Variants in TAMM41 observed in about 807,000 individuals in gnomAD.
TAMM41 encodes the protein TAM41 mitochondrial translocator assembly and maintenance homolog.
Under a neutral mutation model 44.1 loss-of-function variants are expected in TAMM41, and 36 were observed. The observed-to-expected ratio is 0.82, with a 90% CI of 0.63 to 1.08. The LOEUF is 1.08. TAMM41 is among the 50% of genes least tolerant of loss of function. The pLI, the probability that TAMM41 is intolerant of heterozygous loss-of-function variation, is 0.00. For missense variants in TAMM41, 417 were observed against 404.3 expected (o/e 1.03, Z -0.27); for synonymous variants, 164 against 153.1 (o/e 1.07, Z -0.53).
In TAMM41 at chr3:11,829,903, G is replaced by A. The variant is rs373214804; in HGVS notation, c.412-39C>T. 14 of 1,599,768 alleles carry A rather than the reference G, an allele frequency of 8.8e-6. 1 individual carries two copies. The African/African-American group carries it at 1.7e-4, about 20-fold the overall frequency. On this transcript the variant is annotated intron_variant, in intron 3 of 7. Transcript: ENST00000455809. ...AACATTGGGAAGAAAAATTCCAGAA[G>A]TGGAGTATTGCTCAAGCATGGGTTA...
the TAMM41 span, among the ~76,000 whole-genome samples, chr3:11,760,947 A>G: frequency 6.7e-6 from 1 of 150,028 alleles, no homozygotes; most frequent in Non-Finnish European, 1.5e-5. Context: ...TGGGCAGATC[A>G]TGAGGTCAGG....
At chr3:11,828,910 C>A (rs558353435) in intron 4 of TAMM41, among the ~76,000 whole-genome samples, 1 of 152,024 alleles carries the variant, frequency 6.6e-6, no homozygotes, top group Admixed American at 6.6e-5. Context: ...ACTCAAAAAT[C>A]GGGAAAGATG....
intron 1 of TAMM41, among the ~76,000 whole-genome samples, chr3:11,845,453 G>C (rs2079640547): frequency 1.3e-5 from 2 of 152,184 alleles, no homozygotes; most frequent in African/African-American, 4.8e-5. Flanking sequence ...CCATCAGGAG[G>C]CTAACGCCTG....
chr3:11,833,459 G>A (rs1457394606), intron 3 of TAMM41, among the ~76,000 whole-genome samples: 1 of 151,978 alleles, frequency 6.6e-6, no homozygotes, highest in African/African-American at 2.4e-5. Context: ...ATACTCAACC[G>A]CCCACCAGAA....
chr3:11,775,346 C>G, the TAMM41 span, among the ~76,000 whole-genome samples: 2 of 152,168 alleles, frequency 1.3e-5, no homozygotes, highest in Admixed American at 1.3e-4. Context: ...CCCCCTCTTC[C>G]TGTCACATTC....
chr3:11,735,462 C>T, the TAMM41 span, among the ~76,000 whole-genome samples: 222 of 151,792 alleles, frequency 1.5e-3, no homozygotes, highest in Middle Eastern at 0.027. Context: ...GACGAAACCC[C>T]ATCCCTACAA....
the TAMM41 span, among the ~76,000 whole-genome samples, chr3:11,739,938 G>C: frequency 6.6e-6 from 1 of 152,154 alleles, no homozygotes; most frequent in African/African-American, 2.4e-5. Flanking sequence ...GCCTGACTCA[G>C]AGCAGATGCT....
At chr3:11,741,942 G>A in the TAMM41 span, among the ~76,000 whole-genome samples, 5 of 149,970 alleles carry the variant, frequency 3.3e-5, 1 homozygote, top group African/African-American at 1.0e-4. Flanking sequence ...CTGGACAAAG[G>A]GATTATTCAC....
In TAMM41 at chr3:11,846,628, C is replaced by T. The variant is rs73813064; in HGVS notation, c.9G>A (p.Leu3=). The stretch of plus-strand genomic sequence containing the variant: ...TCACCCACGAGCTCTGCAGCGTCTG[C>T]AGCGCCATGGGGTCGAGGCTAACAG... MA[L]QTLQSSWVTF... Residue 3 remains leucine, a synonymous_variant, in exon 1 of 8, where the codon CTG becomes CTA. Coordinates refer to ENST00000455809, the MANE Select transcript of TAMM41 (RefSeq NM_001284401.2). 1.4e-3 allele frequency: 2,184 copies of T among 1,614,218 alleles called. 20 individuals carry two copies. The African/African-American group carries it at 0.023, about 17-fold the overall frequency.
intron 3 of TAMM41, among the ~76,000 whole-genome samples, chr3:11,831,441 T>A (rs2078978750): frequency 6.6e-6 from 1 of 152,232 alleles, no homozygotes; most frequent in Admixed American, 6.5e-5. Flanking sequence ...ATTGACTTTC[T>A]ATACAAAGTA....
At chr3:11,815,348 CA>C (rs1172269845) in intron 5 of TAMM41, among the ~76,000 whole-genome samples, 2 of 152,060 alleles carry the variant, frequency 1.3e-5, no homozygotes, top group African/African-American at 4.8e-5. Context: ...AGGAACAGGG[CA>C]GGGGGCTCCA....
intron 4 of TAMM41, among the ~76,000 whole-genome samples, chr3:11,829,339 C>T (rs1575688356): frequency 6.6e-6 from 1 of 152,192 alleles, no homozygotes; most frequent in East Asian, 1.9e-4. Context: ...CAGACACAGG[C>T]TAAAGTTTGA....
chr3:11,831,522 G>A (rs1043238384), intron 3 of TAMM41, among the ~76,000 whole-genome samples: 1 of 151,980 alleles, frequency 6.6e-6, no homozygotes, highest in Non-Finnish European at 1.5e-5. Flanking sequence ...AAATCTTTTG[G>A]TACTATCGAC....
At chr3:11,751,406 T>TGAGCC in the TAMM41 span, among the ~76,000 whole-genome samples, 2 of 152,176 alleles carry the variant, frequency 1.3e-5, no homozygotes, top group African/African-American at 4.8e-5. Context: ...CTTTTCCTTA[T>TGAGCC]GAGCCCAAGC....
chr3:11,750,262 T>C, the TAMM41 span, among the ~76,000 whole-genome samples: 8 of 151,986 alleles, frequency 5.3e-5, no homozygotes, highest in Non-Finnish European at 7.4e-5. Flanking sequence ...CTTTACAGAA[T>C]TGAGCCTACT....
At chr3:11,772,355 G>A in the TAMM41 span, among the ~76,000 whole-genome samples, 27 of 151,310 alleles carry the variant, frequency 1.8e-4, no homozygotes, top group South Asian at 1.5e-3. Context: ...TGCTGGGATG[G>A]CAGGCGTGAG....
the TAMM41 span, among the ~76,000 whole-genome samples, chr3:11,784,047 C>T: frequency 6.6e-6 from 1 of 152,112 alleles, no homozygotes; most frequent in African/African-American, 2.4e-5. Context: ...CTACAACAAC[C>T]CGATACAGAC....
At chr3:11,787,775 A>T (rs560889937), downstream of TAMM41, among the ~76,000 whole-genome samples, 1 of 152,322 alleles carries the variant, frequency 6.6e-6, no homozygotes, top group Admixed American at 6.5e-5. Flanking sequence ...AAGCAACTTG[A>T]CCAAGGACAC....
At chr3:11,803,657 G>C (rs1207546110) in intron 7 of TAMM41, among the ~76,000 whole-genome samples, 1 of 152,172 alleles carries the variant, frequency 6.6e-6, no homozygotes, top group Non-Finnish European at 1.5e-5. Flanking sequence ...CAATAGCAAT[G>C]ATATGGAATT....
Sources: allele counts gnomAD v4.1 joint callset (sites outside exome capture counted in the v4.1 genomes callset), GRCh38; gene constraint gnomAD v4.1.1; transcripts MANE v1.5; gene names NCBI Gene and HGNC (gene_info 2026-07-23, HGNC 2026-07-21).